Variants in IL3RA observed in about 807,000 individuals in gnomAD.
IL3RA encodes the protein interleukin 3 receptor subunit alpha, also known as interleukin-3 receptor subunit alpha.
A neutral mutation model predicts 52.3 loss-of-function variants in IL3RA; 73 were observed. That is an observed-to-expected ratio of 1.40 (90% CI 1.16 to 1.70). The LOEUF (loss-of-function observed/expected upper bound fraction) is 1.70. IL3RA is among the 40% of genes most tolerant of loss of function. The probability of loss-of-function intolerance (pLI) is 0.00; values close to 1 mark genes in which losing one functional copy is unlikely to be tolerated. For synonymous variants in IL3RA, 260 were observed against 194.0 expected (o/e 1.34, Z -2.83); for missense variants, 664 against 504.4 (o/e 1.32, Z -3.03).
intron 8 of IL3RA, among the ~76,000 whole-genome samples, chrX:1,361,115 CTG>C (rs2087288491): frequency 7.9e-6 from 1 of 125,970 alleles, no homozygotes; most frequent in Non-Finnish European, 1.6e-5. Flanking sequence ...CTTCCCCTCT[CTG>C]TCTCTCTCTC....
At position 1,348,550 on chromosome X, in the gene IL3RA, G is replaced by GA; in HGVS notation, c.298+10dup. On this transcript the variant is annotated splice_donor_region_variant and intron_variant, in intron 4 of 11. Transcript: ENST00000331035. ...GGATCCTCTTCCCTGAGAACAGTGA[G>GA]AAAAATGTTCATTGTTTGTTTATTC... 1 of 1,601,882 alleles carries GA rather than the reference G, an allele frequency of 6.2e-7. No individual in the cohort carries two copies. The highest frequency in any genetic ancestry group is 8.6e-7 in the Non-Finnish European group (1 of 1,168,868).
At chrX:1,355,696 T>G (rs2086657303) in intron 6 of IL3RA, among the ~76,000 whole-genome samples, 1 of 151,548 alleles carries the variant, frequency 6.6e-6, no homozygotes, top group Admixed American at 6.6e-5. Flanking sequence ...GGCCAGGAAG[T>G]GGAAGCTTCA....
At position 1,382,538 on chromosome X, in the gene IL3RA, G is replaced by A; in HGVS notation, c.*73G>A. The A allele has an allele frequency of 7.3e-7, 1 of 1,376,410 alleles. No individual in the cohort carries two copies. The highest frequency in any genetic ancestry group is 1.0e-6 in the Non-Finnish European group (1 of 963,734). 85.3% of individuals were successfully genotyped at this position (1,376,410 alleles called of 1,614,324 possible). A position where few individuals can be genotyped will look rare whatever the true frequency, so the allele number is the denominator to read the frequency against. Reference sequence around the variant, plus strand: ...GGCCAGGCGCCTGCACAGACTGGCTGCTGGACCTGCGCACGCAGCCCAGGA... The same window carrying A: ...GGCCAGGCGCCTGCACAGACTGGCTACTGGACCTGCGCACGCAGCCCAGGA... On this transcript the variant is annotated 3_prime_UTR_variant, in exon 12 of 12. Transcript: ENST00000331035.
intron 2 of IL3RA, among the ~76,000 whole-genome samples, chrX:1,344,181 C>G (rs1603443155): frequency 6.6e-6 from 1 of 152,078 alleles, no homozygotes; most frequent in South Asian, 2.1e-4. Flanking sequence ...CGTCTGTGAT[C>G]CCAGCACTTT....
intron 2 of IL3RA, among the ~76,000 whole-genome samples, chrX:1,344,671 G>A (rs2085650104): frequency 6.6e-6 from 1 of 151,532 alleles, no homozygotes; most frequent in Non-Finnish European, 1.5e-5. Flanking sequence ...TACTCGGGAG[G>A]CTGAGGCAGG....
At chrX:1,353,767 T>C (rs1391325210) in intron 6 of IL3RA, among the ~76,000 whole-genome samples, 11 of 142,020 alleles carry the variant, frequency 7.7e-5, no homozygotes, top group African/African-American at 2.5e-4. Context: ...TCATGGGTCA[T>C]AGGATCCCCT....
intron 7 of IL3RA, among the ~76,000 whole-genome samples, 195 bp from the exon 8 acceptor site, chrX:1,358,666 A>G (rs1280052771): frequency 6.6e-6 from 1 of 152,104 alleles, no homozygotes; most frequent in Non-Finnish European, 1.5e-5. Context: ...CTCATAAATA[A>G]ATAAACAAAC....
intron 4 of IL3RA, among the ~76,000 whole-genome samples, chrX:1,349,187 CT>C (rs763387173): frequency 4.3e-4 from 60 of 139,734 alleles, no homozygotes; most frequent in East Asian, 1.0e-3. Flanking sequence ...TTTTAAACAC[CT>C]TTTTTTTTTT....
intron 1 of IL3RA, among the ~76,000 whole-genome samples, chrX:1,337,742 C>G (rs28614474): frequency 1.5e-5 from 2 of 135,408 alleles, no homozygotes; most frequent in African/African-American, 5.5e-5. Context: ...GAGGTGGAGA[C>G]AGCCCTCATA....
intron 8 of IL3RA, among the ~76,000 whole-genome samples, chrX:1,362,712 C>T (rs1465571692): frequency 6.6e-6 from 1 of 152,168 alleles, no homozygotes; most frequent in Non-Finnish European, 1.5e-5. Context: ...GTGGCCATAT[C>T]ACTCCACTCT....
chrX:1,359,428 C>T (rs750114104), intron 8 of IL3RA, among the ~76,000 whole-genome samples: 86 of 152,138 alleles, frequency 5.7e-4, no homozygotes, highest in Non-Finnish European at 1.0e-3. Flanking sequence ...TCTCTTTCCC[C>T]GTATCTCTTT....
chrX:1,346,170 G>A (rs1164218392), intron 3 of IL3RA, among the ~76,000 whole-genome samples: 7 of 151,988 alleles, frequency 4.6e-5, no homozygotes, highest in Admixed American at 6.6e-5. Context: ...AAAGTTAGCC[G>A]GGCACAGTGG....
At chrX:1,359,511 T>C (rs1192716027) in intron 8 of IL3RA, among the ~76,000 whole-genome samples, 1 of 133,342 alleles carries the variant, frequency 7.5e-6, no homozygotes, top group Non-Finnish European at 1.6e-5. Context: ...TCCCTCCCCC[T>C]CTCTGTATCT....
rs1183932432 is a variant in IL3RA, at chrX:1,348,543, A to G, written c.296A>G (p.Asn99Ser). 4 of 1,608,698 alleles carry G rather than the reference A, an allele frequency of 2.5e-6. No individual in the cohort carries two copies. In the Admixed American group the frequency reaches 6.7e-5, roughly 27 times the overall value. ...TCCACGTGGATCCTCTTCCCTGAGAACAGTGAGAAAAATGTTCATTGTTTG... is the reference window on the plus strand; with the variant it reads ...TCCACGTGGATCCTCTTCCCTGAGAGCAGTGAGAAAAATGTTCATTGTTTG... Reference protein sequence around the residue: ...PFSTWILFPENSGKPWAGAEN... With the variant: ...PFSTWILFPESSGKPWAGAEN... The change falls in exon 4 of 12, where the codon AAC (asparagine) becomes AGC (serine). Residue 99 changes from asparagine to serine, a missense_variant and splice_region_variant. By Grantham distance (46) the Asn-to-Ser change is conservative. Transcript: ENST00000331035.
chrX:1,346,934 C>G (rs1308484139), intron 3 of IL3RA, among the ~76,000 whole-genome samples: 1 of 151,262 alleles, frequency 6.6e-6, no homozygotes. Context: ...CAAATACAGT[C>G]CCATTGAACT....
intron 4 of IL3RA, 117 bp downstream of exon 4, chrX:1,348,662 C>A (rs1457747789): frequency 2.7e-5 from 12 of 444,484 alleles, no homozygotes; most frequent in Non-Finnish European, 4.7e-5. Context: ...TTCTTTCTTT[C>A]TTTCTTTCTT....
intron 2 of IL3RA, among the ~76,000 whole-genome samples, chrX:1,343,779 T>C (rs1177281121): frequency 5.3e-5 from 8 of 149,930 alleles, no homozygotes; most frequent in Non-Finnish European, 1.0e-4. Flanking sequence ...TTCTTTCTTT[T>C]TTTTTTTTTT....
At chrX:1,348,662 C>CTTTCTT (rs1385128111) in intron 4 of IL3RA, 117 bp downstream of exon 4, 1 of 444,484 alleles carries the variant, frequency 2.2e-6, no homozygotes, top group East Asian at 3.4e-5. Flanking sequence ...TTCTTTCTTT[C>CTTTCTT]TTTCTTTCTT....
At chrX:1,339,312 G>A (rs1369845299) in intron 1 of IL3RA, among the ~76,000 whole-genome samples, 1 of 152,192 alleles carries the variant, frequency 6.6e-6, no homozygotes, top group African/African-American at 2.4e-5. Context: ...TTGCCTTGGA[G>A]GTGGGCTGCG....
Sources: allele counts gnomAD v4.1 joint callset (sites outside exome capture counted in the v4.1 genomes callset), GRCh38; gene constraint gnomAD v4.1.1; transcripts MANE v1.5; gene names NCBI Gene and HGNC (gene_info 2026-07-23, HGNC 2026-07-21).